FANCB: variants seen among roughly 807,000 people sequenced by gnomAD.
FANCB encodes the protein FA complementation group B.
In FANCB, 5 loss-of-function variants were observed where a neutral mutation model predicts 38.9. The observed-to-expected ratio is 0.13, with a 90% confidence interval of 0.07 to 0.27. FANCB has a LOEUF of 0.27. FANCB is among the 10% of genes least tolerant of loss of function. The probability of loss-of-function intolerance (pLI) is 1.00; values close to 1 mark genes in which losing one functional copy is unlikely to be tolerated. For synonymous variants in FANCB, 236 were observed against 215.4 expected, an observed-to-expected ratio of 1.10 and a Z score of -0.84; for missense variants, 573 against 602.7, an observed-to-expected ratio of 0.95 and a Z score of 0.52.
chrX:14,741,572 C>T, the FANCB span, among the ~76,000 whole-genome samples: 2 of 111,704 alleles, frequency 1.8e-5, no homozygotes, highest in Non-Finnish European at 1.9e-5. Flanking sequence ...GCACCAAGTG[C>T]CAGGTAGCAG....
At chrX:14,714,119 T>A in the FANCB span, among the ~76,000 whole-genome samples, 1 of 110,576 alleles carries the variant, frequency 9.0e-6, no homozygotes, top group Non-Finnish European at 1.9e-5. Flanking sequence ...TTGAACTGAT[T>A]CTATTTCCTG....
Position 14,859,416 on chromosome X carries a change from T to G in FANCB, c.952-82A>C, listed in dbSNP as rs1036391498. ...AAATAAATTAAGTCCTTTTGTTTCA[T>G]GTAGTTGTCATTTGTAAAACTCAAT... On this transcript the variant is annotated intron_variant, in intron 3 of 9. Transcript: ENST00000650831. 11 of 690,332 alleles carry G rather than the reference T, an allele frequency of 1.6e-5. No individual in the cohort carries two copies. In the Admixed American group the frequency reaches 2.6e-4, roughly 16 times the overall value. The allele number at this position is 690,332 out of a possible 1,213,427, so 56.9% of individuals were successfully genotyped here.
chrX:14,743,010 C>A, the FANCB span, among the ~76,000 whole-genome samples: 1 of 112,827 alleles, frequency 8.9e-6, no homozygotes, highest in Non-Finnish European at 1.9e-5. Context: ...TCTCTCAAAG[C>A]CTCAGTTTAT....
chrX:14,850,718 T>C, intron 6 of FANCB, 44 bp from the exon 7 acceptor site: 1 of 845,467 alleles, frequency 1.2e-6, no homozygotes, highest in East Asian at 3.3e-5. Flanking sequence ...ATACGTACCG[T>C]CTGTAGCAAA....
At chrX:14,860,774 G>A (rs1271762568) in intron 3 of FANCB, among the ~76,000 whole-genome samples, 1 of 112,041 alleles carries the variant, frequency 8.9e-6, no homozygotes, top group Non-Finnish European at 1.9e-5. Flanking sequence ...CATCTGGATA[G>A]TAGCTACCAT....
chrX:14,860,520 A>T (rs1199093115), intron 3 of FANCB, among the ~76,000 whole-genome samples: 1 of 112,329 alleles, frequency 8.9e-6, no homozygotes, highest in Non-Finnish European at 1.9e-5. Flanking sequence ...GAATAGTGCC[A>T]TCCAATAGAA....
the FANCB span, among the ~76,000 whole-genome samples, chrX:14,808,119 T>A: frequency 3.6e-5 from 4 of 111,965 alleles, no homozygotes; most frequent in African/African-American, 1.3e-4. Flanking sequence ...GCTTCACTGC[T>A]AAGTTCTACC....
At chrX:14,691,955 T>C in the FANCB span, among the ~76,000 whole-genome samples, 2 of 112,505 alleles carry the variant, frequency 1.8e-5, no homozygotes, top group Middle Eastern at 4.6e-3. Context: ...TGCTACTCTG[T>C]TGGAATGAAA....
chrX:14,756,864 T>C, the FANCB span, among the ~76,000 whole-genome samples: 5 of 112,137 alleles, frequency 4.5e-5, no homozygotes, highest in African/African-American at 9.7e-5. Context: ...GTAGTGACAA[T>C]AGTAACTGTC....
chrX:14,716,653 T>C, the FANCB span, among the ~76,000 whole-genome samples: 1 of 111,412 alleles, frequency 9.0e-6, no homozygotes, highest in African/African-American at 3.3e-5. Flanking sequence ...CTCTAGAGAA[T>C]AGGGCTACAG....
chrX:14,698,196 AATG>A, the FANCB span, among the ~76,000 whole-genome samples: 1 of 111,252 alleles, frequency 9.0e-6, no homozygotes, highest in Admixed American at 9.5e-5. Flanking sequence ...TTGTATTAAT[AATG>A]ATATTTTCAA....
chrX:14,781,940 T>C, the FANCB span, among the ~76,000 whole-genome samples: 3 of 111,396 alleles, frequency 2.7e-5, no homozygotes, highest in African/African-American at 9.8e-5. Flanking sequence ...GAAAGAAATG[T>C]TGGTCATGGA....
chrX:14,756,239 A>T, the FANCB span, among the ~76,000 whole-genome samples: 1 of 112,102 alleles, frequency 8.9e-6, no homozygotes, highest in African/African-American at 3.2e-5. Context: ...ACTTAGGGGA[A>T]ATGTATCATG....
intron 7 of FANCB, 147 bp from the exon 8 acceptor site, chrX:14,845,433 G>C: frequency 1.9e-6 from 1 of 517,952 alleles, no homozygotes; most frequent in Non-Finnish European, 3.2e-6. Context: ...ATATCAAAAA[G>C]TTAAGAGTAA....
chrX:14,779,971 A>T, the FANCB span, among the ~76,000 whole-genome samples: 5 of 111,186 alleles, frequency 4.5e-5, no homozygotes, highest in African/African-American at 1.7e-4. Flanking sequence ...GTAATGGGGA[A>T]CCTGAAAGTA....
At chrX:14,855,906 T>A (rs925962034) in intron 5 of FANCB, among the ~76,000 whole-genome samples, 1 of 112,053 alleles carries the variant, frequency 8.9e-6, no homozygotes, top group African/African-American at 3.2e-5. Flanking sequence ...CTTGAAAGTT[T>A]GATTTGATAA....
the FANCB span, among the ~76,000 whole-genome samples, chrX:14,729,076 CATATT>C: frequency 8.9e-6 from 1 of 112,412 alleles, no homozygotes; most frequent in Non-Finnish European, 1.9e-5. Flanking sequence ...GGCTGTCATT[CATATT>C]ATAAGTCCTT....
chrX:14,711,507 T>C, the FANCB span, among the ~76,000 whole-genome samples: 1 of 111,994 alleles, frequency 8.9e-6, no homozygotes, highest in Non-Finnish European at 1.9e-5. Context: ...AGAGCAGAAA[T>C]TGGAGAGAGC....
chrX:14,724,986 C>T, the FANCB span, among the ~76,000 whole-genome samples: 26 of 111,554 alleles, frequency 2.3e-4, no homozygotes, highest in African/African-American at 7.2e-4. Flanking sequence ...GGGGCAAAAA[C>T]GTACACAAAT....
Sources: gnomAD v4.1 joint callset for allele counts (sites outside exome capture counted in the v4.1 genomes callset) on GRCh38, gnomAD v4.1.1 for gene constraint, MANE v1.5 for transcripts, NCBI Gene and HGNC (gene_info 2026-07-23, HGNC 2026-07-21) for gene names.